Variants in C12orf76 observed in about 807,000 individuals in gnomAD.
C12orf76 encodes the protein uncharacterized protein C12orf76.
Under a neutral mutation model 6.8 loss-of-function variants are expected in C12orf76, and 6 were observed. That is an observed-to-expected ratio of 0.88 (90% CI 0.48 to 1.73). C12orf76 has a LOEUF of 1.73. Among genes scored for constraint, C12orf76 ranks in the 40% most tolerant of loss-of-function variants. The pLI, the probability that C12orf76 is intolerant of heterozygous loss-of-function variation, is 0.01. For missense variants in C12orf76, 99 were observed against 98.2 expected (o/e 1.01, Z -0.03); for synonymous variants, 56 against 43.7 (o/e 1.28, Z -1.11).
At chr12:110,058,318 T>A (rs1258666793) in intron 3 of C12orf76, among the ~76,000 whole-genome samples, 1 of 152,208 alleles carries the variant, frequency 6.6e-6, no homozygotes, top group East Asian at 1.9e-4. Flanking sequence ...AGATCTATGA[T>A]ACACAATCAT....
At chr12:110,046,426 C>A (rs1892450147) in intron 1 of C12orf76, among the ~76,000 whole-genome samples, 1 of 152,086 alleles carries the variant, frequency 6.6e-6, no homozygotes, top group African/African-American at 2.4e-5. Context: ...AACTCCATCT[C>A]AAAAAAATAA....
At chr12:110,042,516 C>CA (rs1228677954) in intron 1 of C12orf76, 57 bp from the exon 2 acceptor site, 2 of 1,074,432 alleles carry the variant, frequency 1.9e-6, no homozygotes, top group African/African-American at 3.1e-5. Context: ...GCAATTCATC[C>CA]ACTCACTGCC....
At chr12:110,072,487 G>GTTTTTTTTTTTTT (rs201812575), upstream of C12orf76, among the ~76,000 whole-genome samples, 1 of 150,546 alleles carries the variant, frequency 6.6e-6, no homozygotes, top group Non-Finnish European at 1.5e-5. Flanking sequence ...AGGAGTGTGG[G>GTTTTTTTTTTTTT]TTTTTTTTGT....
At chr12:110,068,663 T>C (rs7302441), upstream of C12orf76, among the ~76,000 whole-genome samples, 11,713 of 152,260 alleles carry the variant, frequency 0.077, 471 homozygotes, top group African/African-American at 0.095. Flanking sequence ...GACAGGTTCT[T>C]GTTTAATTTC....
upstream of C12orf76, among the ~76,000 whole-genome samples, chr12:110,068,312 A>G (rs528870927): frequency 5.5e-5 from 8 of 146,266 alleles, no homozygotes; most frequent in Non-Finnish European, 9.2e-5. Flanking sequence ...AAGAAGAAGA[A>G]GAAGAAGAAG....
chr12:110,060,369 C>A (rs1016041899), intron 2 of C12orf76, among the ~76,000 whole-genome samples: 1 of 152,180 alleles, frequency 6.6e-6, no homozygotes, highest in African/African-American at 2.4e-5. Flanking sequence ...GTCTGGCTCC[C>A]ACCCCCATCC....
At chr12:110,067,969 T>TGG (rs936330890), upstream of C12orf76, among the ~76,000 whole-genome samples, 19 of 152,056 alleles carry the variant, frequency 1.2e-4, no homozygotes, top group African/African-American at 4.6e-4. Flanking sequence ...CCCAGCACTT[T>TGG]GGGAGGCTGA....
chr12:110,047,058 A>G (rs1025819371), intron 1 of C12orf76, among the ~76,000 whole-genome samples: 6 of 152,156 alleles, frequency 3.9e-5, no homozygotes, highest in African/African-American at 1.4e-4. Flanking sequence ...CATGGCAAAC[A>G]CTGAGTTCAT....
chr12:110,063,600 ATTTT>A (rs574342639), intron 2 of C12orf76, among the ~76,000 whole-genome samples: 1 of 127,404 alleles, frequency 7.8e-6, no homozygotes, highest in African/African-American at 3.2e-5. Context: ...AGGGATTTTT[ATTTT>A]TATTTATTTA....
At chr12:110,068,330 A>AGAG (rs1566080349), upstream of C12orf76, among the ~76,000 whole-genome samples, 1 of 116,662 alleles carries the variant, frequency 8.6e-6, no homozygotes, top group Non-Finnish European at 2.0e-5. Context: ...AAGAAGAAGA[A>AGAG]GGCGGCCAAA....
chr12:110,051,950 C>T (rs1384221351), upstream of C12orf76, among the ~76,000 whole-genome samples: 3 of 124,016 alleles, frequency 2.4e-5, no homozygotes, highest in African/African-American at 9.2e-5. Context: ...CTCACTCTGT[C>T]GCCCAGGCTG....
chr12:110,058,981 G>A (rs1368981285), intron 3 of C12orf76: 1 of 1,539,206 alleles, frequency 6.5e-7, no homozygotes, highest in African/African-American at 1.4e-5. Context: ...GAAGGTGCTA[G>A]TATTACCTCC....
At chr12:110,043,373 G>GGA (rs1049358763) in intron 1 of C12orf76, among the ~76,000 whole-genome samples, 16 of 145,162 alleles carry the variant, frequency 1.1e-4, no homozygotes, top group Non-Finnish European at 2.1e-4. Context: ...GATTTAGTCG[G>GGA]AAAAAAAAAA....
Position 110,067,418 on chromosome 12 carries a change from A to G in C12orf76, n.206+72T>C, listed in dbSNP as rs1892885581. ...AGACAAGCCAGGACTAGAGAAGTAGACTTCAGAAATCCCTGGAATTTCTGG... is the reference window on the plus strand; with the variant it reads ...AGACAAGCCAGGACTAGAGAAGTAGGCTTCAGAAATCCCTGGAATTTCTGG... On this transcript the variant is annotated intron_variant and non_coding_transcript_variant, in intron 1 of 4. Transcript: ENST00000309050. 9.1e-6 allele frequency: 9 copies of G among 985,318 alleles called. No individual in the cohort carries two copies. The South Asian group carries it at 2.8e-4, about 31-fold the overall frequency. The allele number at this position is 985,318 out of a possible 1,614,324, so 61.0% of individuals were successfully genotyped here. A position where few individuals can be genotyped will look rare whatever the true frequency, so the allele number is the denominator to read the frequency against.
intron 2 of C12orf76, among the ~76,000 whole-genome samples, chr12:110,061,057 T>A (rs1892762838): frequency 7.0e-6 from 1 of 143,598 alleles, no homozygotes; most frequent in Admixed American, 7.3e-5. Context: ...GAGCCAGCTC[T>A]GTGGGGGAGA....
intron 1 of C12orf76, chr12:110,042,716 G>A: frequency 1.6e-6 from 1 of 637,552 alleles, no homozygotes; most frequent in Non-Finnish European, 2.8e-6. Context: ...AGACAGGGTG[G>A]GCAGCAAGAA....
chr12:110,055,266 T>C (rs1892648990), intron 4 of C12orf76, among the ~76,000 whole-genome samples: 1 of 147,834 alleles, frequency 6.8e-6, no homozygotes, highest in African/African-American at 2.5e-5. Context: ...CAGGCTGGAG[T>C]GCAGTGGCAC....
intron 1 of C12orf76, 197 bp from the exon 2 acceptor site, chr12:110,042,656 C>G: frequency 4.3e-6 from 3 of 695,738 alleles, no homozygotes; most frequent in Non-Finnish European, 7.8e-6. Flanking sequence ...GAGCATTTCA[C>G]ATAGCTTGAT....
At chr12:110,059,253 T>C in intron 2 of C12orf76, 1 of 1,379,294 alleles carries the variant, frequency 7.3e-7, no homozygotes, top group Non-Finnish European at 9.7e-7. Context: ...ATTAGCTCTA[T>C]CTAATAGTTT....
Sources: allele counts gnomAD v4.1 joint callset (sites outside exome capture counted in the v4.1 genomes callset), GRCh38; gene constraint gnomAD v4.1.1; transcripts MANE v1.5; gene names NCBI Gene and HGNC (gene_info 2026-07-23, HGNC 2026-07-21).